The following GRIN2A variants were observed in gnomAD, a reference collection of about 807,000 sequenced individuals.
GRIN2A encodes glutamate receptor ionotropic, NMDA 2A.
In GRIN2A, 22 loss-of-function variants were observed where a neutral mutation model predicts 113.4. The observed-to-expected ratio is 0.19, with a 90% CI of 0.14 to 0.28. The LOEUF (loss-of-function observed/expected upper bound fraction) is 0.28, where lower values mean the gene tolerates loss of function less well. Ranked by LOEUF, GRIN2A falls within the 10% of genes least tolerant of loss-of-function variation. The pLI, the probability that GRIN2A is intolerant of heterozygous loss-of-function variation, is 1.00. For missense variants in GRIN2A, 1,502 were observed against 1,887.0 expected (o/e 0.80, Z 3.78); for synonymous variants, 827 against 738.4 (o/e 1.12, Z -1.94).
chr16:10,049,494 C>T (rs778613543), intron 2 of GRIN2A, among the ~76,000 whole-genome samples: 4 of 152,088 alleles, frequency 2.6e-5, no homozygotes, highest in Non-Finnish European at 5.9e-5. Flanking sequence ...TCTCCTGCCT[C>T]AGCCTCCTGA....
At chr16:9,930,201 G>C (rs984895354) in intron 3 of GRIN2A, among the ~76,000 whole-genome samples, 5 of 152,144 alleles carry the variant, frequency 3.3e-5, no homozygotes, top group African/African-American at 1.2e-4. Flanking sequence ...CTCTAGTCCA[G>C]GAGAGGAGGA....
chr16:9,769,169 CGA>C, intron 11 of GRIN2A, 80 bp from the exon 12 acceptor site: 1 of 1,048,636 alleles, frequency 9.5e-7, no homozygotes, highest in Non-Finnish European at 1.5e-6. Flanking sequence ...TTGGAACAGA[CGA>C]TGTGCAACTC....
intron 4 of GRIN2A, among the ~76,000 whole-genome samples, chr16:9,856,901 A>G (rs2042978722): frequency 6.6e-6 from 1 of 152,200 alleles, no homozygotes; most frequent in Non-Finnish European, 1.5e-5. Context: ...AAAAAAGACT[A>G]ACTTTACAAT....
In GRIN2A at chr16:9,798,520, C is replaced by T. The variant is rs540389867; in HGVS notation, c.2169-56G>A. 1.2e-4 allele frequency: 172 copies of T among 1,403,290 alleles called. 4 individuals are homozygous for T. In the South Asian group the frequency reaches 1.9e-3, roughly 16 times the overall value. 86.9% of individuals were successfully genotyped at this position (1,403,290 alleles called of 1,614,324 possible). A position where few individuals can be genotyped will look rare whatever the true frequency, so the allele number is the denominator to read the frequency against. On this transcript the variant is annotated intron_variant, in intron 10 of 12. Coordinates refer to ENST00000330684, the MANE Select transcript of GRIN2A (RefSeq NM_001134407.3). ...GGGTGGCCAGGTACCACCTCGGGGT[C>T]CAGCTCCTGAGGCCTGATCCTGAAA...
chr16:10,112,719 C>A, intron 2 of GRIN2A: 1 of 739,246 alleles, frequency 1.4e-6, no homozygotes, highest in South Asian at 1.3e-5. Context: ...GGCCTCCATC[C>A]AGGACAAAGG....
intron 2 of GRIN2A, among the ~76,000 whole-genome samples, chr16:9,969,457 C>T (rs992423728): frequency 1.3e-5 from 2 of 152,164 alleles, no homozygotes; most frequent in African/African-American, 4.8e-5. Flanking sequence ...TTTTATCCAT[C>T]CTTCATGGTT....
intron 4 of GRIN2A, among the ~76,000 whole-genome samples, chr16:9,878,355 A>C (rs2043412456): frequency 6.6e-6 from 1 of 152,232 alleles, no homozygotes; most frequent in Admixed American, 6.5e-5. Context: ...GGATAGAAAT[A>C]ATTATACTTA....
chr16:9,847,649 T>A (rs1002613515), intron 5 of GRIN2A, among the ~76,000 whole-genome samples: 1 of 150,262 alleles, frequency 6.7e-6, no homozygotes, highest in Non-Finnish European at 1.5e-5. Context: ...TAAAAATATA[T>A]GTTTTATATA....
chr16:9,856,938 G>A (rs1487595259), intron 4 of GRIN2A, among the ~76,000 whole-genome samples: 1 of 152,008 alleles, frequency 6.6e-6, no homozygotes, highest in African/African-American at 2.4e-5. Flanking sequence ...TGTGATGTCA[G>A]CTCAATGGTC....
intron 3 of GRIN2A, among the ~76,000 whole-genome samples, chr16:9,914,940 TTTTTTTTTTTTA>T (rs2044216195): frequency 1.0e-5 from 1 of 96,806 alleles, no homozygotes; most frequent in Non-Finnish European, 2.1e-5. Flanking sequence ...TTTTTTTTTT[TTTTTTTTTTTTA>T]ATGAGACGGA....
chr16:9,912,877 T>G (rs1272417506), intron 3 of GRIN2A, among the ~76,000 whole-genome samples: 1 of 152,214 alleles, frequency 6.6e-6, no homozygotes, highest in African/African-American at 2.4e-5. Context: ...TCAGCAAAAG[T>G]GGATGGGAGG....
chr16:10,149,713 T>C (rs2049527979), intron 2 of GRIN2A, among the ~76,000 whole-genome samples: 2 of 152,180 alleles, frequency 1.3e-5, no homozygotes, highest in Admixed American at 1.3e-4. Context: ...AATATCCTCC[T>C]AACTGGCCTC....
intron 2 of GRIN2A, among the ~76,000 whole-genome samples, chr16:10,074,140 A>G (rs1046853612): frequency 1.6e-4 from 25 of 152,234 alleles, no homozygotes; most frequent in African/African-American, 6.0e-4. Context: ...CAATACAAAC[A>G]GTGATTAGAG....
intron 2 of GRIN2A, among the ~76,000 whole-genome samples, chr16:10,103,853 C>T (rs541210948): frequency 3.3e-5 from 5 of 152,288 alleles, no homozygotes; most frequent in Middle Eastern, 3.4e-3. Context: ...AAGATGAAAG[C>T]CCTTCAAATA....
chr16:9,855,608 A>G (rs1481182307), intron 4 of GRIN2A, among the ~76,000 whole-genome samples: 1 of 152,172 alleles, frequency 6.6e-6, no homozygotes, highest in East Asian at 1.9e-4. Context: ...TCTATGTAAA[A>G]TGCAAGGATA....
At chr16:9,912,348 C>T (rs1467074073) in intron 3 of GRIN2A, among the ~76,000 whole-genome samples, 2 of 151,926 alleles carry the variant, frequency 1.3e-5, no homozygotes, top group Non-Finnish European at 2.9e-5. Flanking sequence ...GACGATGATA[C>T]CAATGTCGGC....
intron 2 of GRIN2A, among the ~76,000 whole-genome samples, chr16:10,025,229 G>A (rs999644471): frequency 2.6e-5 from 4 of 150,974 alleles, no homozygotes; most frequent in South Asian, 2.1e-4. Context: ...TAGGAAACTC[G>A]TGGCTCTGGG....
chr16:10,030,101 G>A (rs1156931742), intron 2 of GRIN2A, among the ~76,000 whole-genome samples: 1 of 152,094 alleles, frequency 6.6e-6, no homozygotes, highest in Non-Finnish European at 1.5e-5. Flanking sequence ...GCAAGCACGG[G>A]CTATGTGCAA....
chr16:10,071,019 A>C (rs2047739717), intron 2 of GRIN2A, among the ~76,000 whole-genome samples: 1 of 152,170 alleles, frequency 6.6e-6, no homozygotes. Context: ...CCCTCACCAG[A>C]GTAATGACTA....
Sources: gnomAD v4.1 joint callset for allele counts (sites outside exome capture counted in the v4.1 genomes callset) on GRCh38, gnomAD v4.1.1 for gene constraint, MANE v1.5 for transcripts, NCBI Gene and HGNC (gene_info 2026-07-23, HGNC 2026-07-21) for gene names.